The following CCSER1 variants were observed in gnomAD, a reference collection of about 807,000 sequenced individuals.
CCSER1 encodes the protein coiled-coil serine rich protein 1, also known as serine-rich coiled-coil domain-containing protein 1.
A neutral mutation model predicts 82.0 loss-of-function variants in CCSER1; 41 were observed. The observed-to-expected ratio is 0.50, with a 90% CI of 0.39 to 0.65. The LOEUF (loss-of-function observed/expected upper bound fraction) is 0.65, where lower values mean the gene tolerates loss of function less well. Ranked by LOEUF, CCSER1 falls within the 30% of genes least tolerant of loss-of-function variation. CCSER1 has a pLI of 0.00. For missense variants in CCSER1, 1,119 were observed against 1,064.2 expected, an observed-to-expected ratio of 1.05 and a Z score of -0.72; for synonymous variants, 414 against 383.9, an observed-to-expected ratio of 1.08 and a Z score of -0.92.
In CCSER1 at chr4:90,394,683, A is replaced by G. The variant is rs189573522; in HGVS notation, c.1510-5353A>G. 1.7e-4 allele frequency among the ~76,000 whole-genome samples: 26 copies of G among 152,264 alleles called. 2 individuals carry two copies. In the East Asian group the frequency reaches 5.0e-3, roughly 29 times the overall value. ...GTAAATTCTTTCCAGTGTGTAATTA[A>G]AATGCCCAGTGTAATATATCAATTT... On this transcript the variant is annotated intron_variant, in intron 3 of 10. Transcript: ENST00000509176.
chr4:90,770,070 A>T (rs1751840338), intron 7 of CCSER1, among the ~76,000 whole-genome samples: 1 of 152,142 alleles, frequency 6.6e-6, no homozygotes, highest in Non-Finnish European at 1.5e-5. Context: ...TCTCCCTTGG[A>T]TCCCTTGTCC....
At chr4:91,389,638 G>A (rs907963358) in intron 10 of CCSER1, among the ~76,000 whole-genome samples, 1 of 151,730 alleles carries the variant, frequency 6.6e-6, no homozygotes, top group Admixed American at 6.6e-5. Flanking sequence ...GATTTCGGTG[G>A]GGATTGTGTT....
At chr4:91,390,306 T>C (rs985451849) in intron 10 of CCSER1, among the ~76,000 whole-genome samples, 2 of 152,002 alleles carry the variant, frequency 1.3e-5, no homozygotes, top group African/African-American at 4.8e-5. Flanking sequence ...TAATCTATAA[T>C]GATGTGATTT....
chr4:91,301,872 T>C (rs1359680162), intron 10 of CCSER1, among the ~76,000 whole-genome samples: 1 of 151,916 alleles, frequency 6.6e-6, no homozygotes, highest in Non-Finnish European at 1.5e-5. Flanking sequence ...AATGGACCAC[T>C]TTCTTCTCAT....
chr4:90,923,295 T>C, intron 8 of CCSER1, 75 bp from the exon 9 acceptor site: 1 of 1,024,588 alleles, frequency 9.8e-7, no homozygotes, highest in Non-Finnish European at 1.5e-6. Context: ...AATCAAATTT[T>C]AATAAGTGGA....
intron 10 of CCSER1, among the ~76,000 whole-genome samples, chr4:91,237,215 C>T (rs1337015353): frequency 1.3e-5 from 2 of 151,806 alleles, no homozygotes; most frequent in Non-Finnish European, 2.9e-5. Context: ...AATTCTTGTG[C>T]ATGAACTAAT....
chr4:90,238,512 G>A (rs1746226404), intron 1 of CCSER1, among the ~76,000 whole-genome samples: 1 of 152,116 alleles, frequency 6.6e-6, no homozygotes, highest in Non-Finnish European at 1.5e-5. Context: ...ATTTTGCTTA[G>A]GATGCAGGTT....
At chr4:91,280,420 A>G (rs1335982165) in intron 10 of CCSER1, among the ~76,000 whole-genome samples, 4 of 152,256 alleles carry the variant, frequency 2.6e-5, no homozygotes, top group Admixed American at 1.3e-4. Context: ...ATTAGTTCCA[A>G]TGCTCTCAAG....
chr4:90,799,666 G>A (rs62314104), intron 7 of CCSER1, among the ~76,000 whole-genome samples: 10,061 of 152,212 alleles, frequency 0.066, 451 homozygotes, highest in Admixed American at 0.12. Flanking sequence ...GCCTGACAGA[G>A]TTCAGGTCCA....
At chr4:90,844,776 C>T (rs1403018064) in intron 8 of CCSER1, among the ~76,000 whole-genome samples, 1 of 152,038 alleles carries the variant, frequency 6.6e-6, no homozygotes, top group Non-Finnish European at 1.5e-5. Flanking sequence ...CTGTCCACCC[C>T]AGCCAATATG....
intron 1 of CCSER1, among the ~76,000 whole-genome samples, chr4:90,285,359 A>G (rs1340723629): frequency 6.6e-6 from 1 of 151,860 alleles, no homozygotes; most frequent in African/African-American, 2.4e-5. Flanking sequence ...GATATCTTTC[A>G]CTTGTAAAGT....
At chr4:90,358,275 A>AG (rs397753726) in intron 3 of CCSER1, among the ~76,000 whole-genome samples, 145 of 151,790 alleles carry the variant, frequency 9.6e-4, no homozygotes, top group African/African-American at 3.3e-3. Flanking sequence ...CAGATTTAAA[A>AG]TGAAGTTACA....
intron 4 of CCSER1, among the ~76,000 whole-genome samples, chr4:90,464,988 G>A (rs950680630): frequency 3.3e-5 from 5 of 152,228 alleles, no homozygotes; most frequent in South Asian, 2.1e-4. Flanking sequence ...TTTTCGAGAC[G>A]GGGTCTCGCC....
chr4:91,069,128 C>T (rs760785146), intron 9 of CCSER1, among the ~76,000 whole-genome samples: 66 of 151,896 alleles, frequency 4.3e-4, no homozygotes, highest in Non-Finnish European at 2.4e-4. Context: ...GAGCTGAGAT[C>T]GCGCCACTGC....
intron 10 of CCSER1, among the ~76,000 whole-genome samples, chr4:91,507,422 T>A (rs1759559059): frequency 1.3e-5 from 2 of 151,974 alleles, no homozygotes; most frequent in African/African-American, 4.8e-5. Flanking sequence ...TTGCATATCT[T>A]TTATTTATTT....
At chr4:90,824,904 T>C (rs1425792543) in intron 8 of CCSER1, among the ~76,000 whole-genome samples, 1 of 152,166 alleles carries the variant, frequency 6.6e-6, no homozygotes. Flanking sequence ...ATTAATTGCA[T>C]ATATTCCAGA....
At chr4:90,826,103 G>A (rs1760400747) in intron 8 of CCSER1, among the ~76,000 whole-genome samples, 1 of 152,188 alleles carries the variant, frequency 6.6e-6, no homozygotes, top group South Asian at 2.1e-4. Flanking sequence ...AAGAGTTAAA[G>A]TGGAGGAAAC....
intron 6 of CCSER1, among the ~76,000 whole-genome samples, chr4:90,651,458 A>G (rs1190240910): frequency 1.3e-5 from 2 of 152,128 alleles, no homozygotes; most frequent in African/African-American, 4.8e-5. Flanking sequence ...CAAACACCAC[A>G]CGTTCTCACT....
intron 7 of CCSER1, among the ~76,000 whole-genome samples, chr4:90,789,513 C>T (rs937475395): frequency 1.3e-5 from 2 of 152,114 alleles, no homozygotes; most frequent in African/African-American, 4.8e-5. Context: ...TGGTTTGGCT[C>T]TGTCCCCACC....
Sources: gnomAD v4.1 joint callset for allele counts (sites outside exome capture counted in the v4.1 genomes callset) on GRCh38, gnomAD v4.1.1 for gene constraint, MANE v1.5 for transcripts, NCBI Gene and HGNC (gene_info 2026-07-23, HGNC 2026-07-21) for gene names.